Variants in CNTLN observed in about 807,000 individuals in gnomAD.
CNTLN encodes the protein centlein, also known as centlein, centrosomal protein.
In CNTLN, 212 loss-of-function variants were observed where a neutral mutation model predicts 180.0. That is an observed-to-expected ratio of 1.18 (90% CI 1.05 to 1.32). The LOEUF (loss-of-function observed/expected upper bound fraction) is 1.32. Among genes scored for constraint, CNTLN ranks in the 40% most tolerant of loss-of-function variants. The pLI is 0.00. For missense variants in CNTLN, 2,095 were observed against 1,610.9 expected, an observed-to-expected ratio of 1.30 and a Z score of -5.14; for synonymous variants, 722 against 563.1, an observed-to-expected ratio of 1.28 and a Z score of -3.99.
Position 17,394,886 on chromosome 9 carries a change from C to T in CNTLN, c.2432C>T (p.Thr811Ile). The change falls in exon 15 of 26, where the codon ACC becomes ATC. Residue 811 changes from threonine (T) to isoleucine (I), a missense_variant. Coordinates refer to ENST00000380647, the MANE Select transcript of CNTLN (RefSeq NM_017738.4). The stretch of plus-strand genomic sequence containing the variant: ...GACAGAGCTAAATCCGAGATGGCCA[C>T]CATGAAAGTGAGATCTGGACGATAT... ...SADRAKSEMA[T>I]MKVRSGRYDC... 1.2e-6 allele frequency: 2 copies of T among 1,613,984 alleles called. No homozygotes were observed. Among genetic ancestry groups the T allele is most frequent in the Non-Finnish European group, 1.7e-6 (2 of 1,179,964 alleles).
Position 17,394,613 on chromosome 9 carries a change from AAG to A in CNTLN, c.2161_2162del (p.Glu721LysfsTer2). 1 of 1,600,872 alleles carries A rather than the reference AAG, an allele frequency of 6.2e-7. No homozygotes were observed. The highest frequency in any genetic ancestry group is 8.5e-7 in the Non-Finnish European group (1 of 1,176,752). On this transcript the variant is annotated frameshift_variant, in exon 15 of 26. Transcript: ENST00000380647. LOFTEE classifies it high-confidence loss of function. ...AAAGAAGGGAATAAAAAATTAATGA[AAG>A]AAAATGATTTTCTGAAATCCCTCTT...
At chr9:17,465,261 G>A (rs1274770004) in intron 21 of CNTLN, among the ~76,000 whole-genome samples, 1 of 150,118 alleles carries the variant, frequency 6.7e-6, no homozygotes, top group African/African-American at 2.4e-5. Flanking sequence ...GTATCTCTTA[G>A]GTCAAATTGA....
intron 2 of CNTLN, among the ~76,000 whole-genome samples, chr9:17,196,784 C>T (rs975068229): frequency 3.3e-5 from 5 of 152,012 alleles, no homozygotes; most frequent in African/African-American, 1.2e-4. Context: ...TGGATACAGG[C>T]ATACAATGCA....
At chr9:17,344,751 C>G (rs1399425809) in intron 12 of CNTLN, among the ~76,000 whole-genome samples, 1 of 152,098 alleles carries the variant, frequency 6.6e-6, no homozygotes, top group Non-Finnish European at 1.5e-5. Flanking sequence ...AATTTTTTAA[C>G]ATTGTATGTA....
chr9:17,411,805 C>G (rs769967074), intron 16 of CNTLN, among the ~76,000 whole-genome samples: 2 of 152,084 alleles, frequency 1.3e-5, no homozygotes, highest in Non-Finnish European at 2.9e-5. Context: ...CACCCCCTAT[C>G]CATGCAAAAA....
At chr9:17,354,149 A>G (rs1431806979) in intron 12 of CNTLN, among the ~76,000 whole-genome samples, 2 of 152,088 alleles carry the variant, frequency 1.3e-5, no homozygotes, top group Admixed American at 1.3e-4. Context: ...TCAATTTCTC[A>G]CAGAGCCTTA....
chr9:17,295,060 G>T (rs1027328773), intron 6 of CNTLN, among the ~76,000 whole-genome samples: 3 of 151,942 alleles, frequency 2.0e-5, no homozygotes, highest in Non-Finnish European at 4.4e-5. Context: ...TGCACTGTCC[G>T]CGGCTGCTGG....
In CNTLN at chr9:17,405,595, G is replaced by A. The variant is rs140860634; in HGVS notation, c.2616-3698G>A. Among the ~76,000 whole-genome samples, 8 of 151,678 alleles carry A rather than the reference G, an allele frequency of 5.3e-5. No individual in the cohort carries two copies. In the East Asian group the frequency reaches 1.5e-3, roughly 29 times the overall value. On this transcript the variant is annotated intron_variant, in intron 15 of 25. Coordinates refer to ENST00000380647, the MANE Select transcript of CNTLN (RefSeq NM_017738.4). Reference sequence around the variant, plus strand: ...CTCATGATCTAATCACCTCTTATTAGATTCCACCTCCCAACACTGTTGCAC... The same window carrying A: ...CTCATGATCTAATCACCTCTTATTAAATTCCACCTCCCAACACTGTTGCAC...
chr9:17,291,054 A>C (rs899049686), intron 6 of CNTLN, among the ~76,000 whole-genome samples: 2 of 152,154 alleles, frequency 1.3e-5, no homozygotes, highest in African/African-American at 4.8e-5. Context: ...CCTTAATTTC[A>C]TTATATACCC....
In CNTLN at chr9:17,409,381, G is replaced by T. The variant is rs773154361; in HGVS notation, c.2704G>T (p.Asp902Tyr). ...QKISPTEDGK[D>Y]QKESDPTEDS... Reference sequence around the variant, plus strand: ...AATAAGTCCTACGGAAGATGGAAAAGACCAGAAAGAAAGTGATCCAACAGA... The same window carrying T: ...AATAAGTCCTACGGAAGATGGAAAATACCAGAAAGAAAGTGATCCAACAGA... The change falls in exon 16 of 26, where the codon GAC (aspartate) becomes TAC (tyrosine). Residue 902 changes from aspartate (D) to tyrosine (Y), a missense_variant. Physicochemically the swap from Asp to Tyr is radical, Grantham distance 160. Coordinates refer to ENST00000380647, the MANE Select transcript of CNTLN (RefSeq NM_017738.4). 6.2e-7 allele frequency: 1 copy of T among 1,613,270 alleles called. No homozygotes were observed. Among genetic ancestry groups the T allele is most frequent in the East Asian group, 2.2e-5 (1 of 44,748 alleles).
At chr9:17,299,551 T>G (rs1818203477) in intron 7 of CNTLN, 9 of 985,176 alleles carry the variant, frequency 9.1e-6, no homozygotes, top group Non-Finnish European at 9.6e-6. Flanking sequence ...TTTGTAACAG[T>G]GGTTTTCAGT....
At chr9:17,375,206 G>A (rs1269662176) in intron 13 of CNTLN, among the ~76,000 whole-genome samples, 1 of 152,094 alleles carries the variant, frequency 6.6e-6, no homozygotes, top group Non-Finnish European at 1.5e-5. Flanking sequence ...TTATTGGTGG[G>A]AGCTAAAAAT....
intron 12 of CNTLN, among the ~76,000 whole-genome samples, chr9:17,361,967 G>C (rs1823429431): frequency 6.6e-6 from 1 of 152,182 alleles, no homozygotes. Context: ...ATCCTGGTCA[G>C]GAGTACCAGG....
At chr9:17,305,669 A>C (rs900679018) in intron 7 of CNTLN, among the ~76,000 whole-genome samples, 2 of 152,152 alleles carry the variant, frequency 1.3e-5, no homozygotes, top group Non-Finnish European at 2.9e-5. Flanking sequence ...TGTCACCAAA[A>C]AACACTTTAG....
At chr9:17,176,441 T>G (rs1427069588) in intron 2 of CNTLN, among the ~76,000 whole-genome samples, 1 of 152,202 alleles carries the variant, frequency 6.6e-6, no homozygotes. Flanking sequence ...CTGGAATAAA[T>G]TTCACTTGGT....
At chr9:17,430,686 G>A (rs1231061228) in intron 18 of CNTLN, among the ~76,000 whole-genome samples, 1 of 151,996 alleles carries the variant, frequency 6.6e-6, no homozygotes, top group African/African-American at 2.4e-5. Context: ...CATTAACCAA[G>A]TTCTCTTCAC....
chr9:17,488,201 A>G (rs1008131949), intron 25 of CNTLN, among the ~76,000 whole-genome samples: 1 of 152,192 alleles, frequency 6.6e-6, no homozygotes, highest in Non-Finnish European at 1.5e-5. Flanking sequence ...TCAGTTTGAT[A>G]TATTTTTGAA....
chr9:17,228,863 A>C (rs544629960), intron 3 of CNTLN, among the ~76,000 whole-genome samples: 24 of 152,206 alleles, frequency 1.6e-4, no homozygotes, highest in African/African-American at 5.5e-4. Context: ...CGTTATTATC[A>C]AAAATAGGCT....
At chr9:17,147,433 G>T (rs1818530826) in intron 2 of CNTLN, among the ~76,000 whole-genome samples, 1 of 152,090 alleles carries the variant, frequency 6.6e-6, no homozygotes, top group African/African-American at 2.4e-5. Flanking sequence ...GTGGGCTTCT[G>T]CTCTCTATAC....
Sources: gnomAD v4.1 joint callset for allele counts (sites outside exome capture counted in the v4.1 genomes callset) on GRCh38, gnomAD v4.1.1 for gene constraint, MANE v1.5 for transcripts, NCBI Gene and HGNC (gene_info 2026-07-23, HGNC 2026-07-21) for gene names.